Variants in SNX25 observed in about 807,000 individuals in gnomAD.
SNX25 encodes sorting nexin-25.
SNX25 carries 62 observed loss-of-function variants against 113.7 expected under a neutral mutation model. That is an observed-to-expected ratio of 0.55 (90% CI 0.44 to 0.67). SNX25 has a LOEUF of 0.67. Among genes scored for constraint, SNX25 ranks in the 30% least tolerant of loss-of-function variants. The pLI, the probability that SNX25 is intolerant of heterozygous loss-of-function variation, is 0.00. For missense variants in SNX25, 1,014 were observed against 1,161.0 expected (o/e 0.87, Z 1.84); for synonymous variants, 421 against 436.2 (o/e 0.97, Z 0.43).
downstream of SNX25, chr4:185,366,239 C>A (rs377109194): frequency 6.6e-6 from 1 of 152,150 alleles, no homozygotes; most frequent in South Asian, 2.1e-4. Flanking sequence ...ATACGGAAAG[C>A]CTTTTGCTAA....
In SNX25 at chr4:185,338,276, G is replaced by GTTT. The variant is rs550870942; in HGVS notation, c.1915-1102_1915-1101insTTT. 2.6e-4 allele frequency among the ~76,000 whole-genome samples: 37 copies of GTTT among 140,378 alleles called. 3 individuals carry two copies. Among genetic ancestry groups the GTTT allele is most frequent in the East Asian group, 6.0e-4 (3 of 4,984 alleles). The allele number at this position is 140,378 out of a possible 152,430, so 92.1% of individuals were successfully genotyped here. A position where few individuals can be genotyped will look rare whatever the true frequency, so the allele number is the denominator to read the frequency against. On this transcript the variant is annotated intron_variant, in intron 10 of 18. Coordinates refer to ENST00000652585, the MANE Select transcript of SNX25 (RefSeq NM_001378034.2). Reference sequence around the variant, plus strand: ...ATGAAACTTTCCCTCTATATTCTGTGTGTTTTTTTTTTTTTTTGAGACGGA... The same window carrying GTTT: ...ATGAAACTTTCCCTCTATATTCTGTGTTTTGTTTTTTTTTTTTTTTGAGACGGA...
intron 1 of SNX25, among the ~76,000 whole-genome samples, chr4:185,212,491 G>GTGTGTGTTTTTGTTTTTTT (rs546083196): frequency 3.8e-5 from 4 of 104,940 alleles, no homozygotes; most frequent in African/African-American, 3.7e-5. Context: ...GTGTGTGTGT[G>GTGTGTGTTTTTGTTTTTTT]TTTTTTTTTT....
chr4:185,241,162 C>T (rs1038851190), intron 1 of SNX25, among the ~76,000 whole-genome samples: 2 of 151,874 alleles, frequency 1.3e-5, no homozygotes, highest in African/African-American at 4.8e-5. Context: ...GCCGAGATCA[C>T]GCCACTGCAC....
At chr4:185,218,012 G>A (rs1016955351) in intron 1 of SNX25, among the ~76,000 whole-genome samples, 2 of 152,108 alleles carry the variant, frequency 1.3e-5, no homozygotes, top group Admixed American at 6.5e-5. Context: ...GCAGCCCTTC[G>A]CAGGGGCACT....
intron 6 of SNX25, among the ~76,000 whole-genome samples, chr4:185,298,357 C>T (rs1056829153): frequency 2.0e-5 from 3 of 151,914 alleles, no homozygotes; most frequent in Admixed American, 1.3e-4. Flanking sequence ...CCAAAGTGTT[C>T]GGATTACAGG....
intron 6 of SNX25, among the ~76,000 whole-genome samples, chr4:185,308,587 C>A (rs1288568): frequency 6.6e-6 from 1 of 151,982 alleles, no homozygotes; most frequent in Non-Finnish European, 1.5e-5. Context: ...GCAAAATGTA[C>A]CATTTGAGAG....
intron 3 of SNX25, among the ~76,000 whole-genome samples, 160 bp downstream of exon 3, chr4:185,259,224 AT>A (rs565329633): frequency 2.0e-3 from 299 of 146,052 alleles, no homozygotes; most frequent in Middle Eastern, 3.5e-3. Flanking sequence ...CTGGTAGAGT[AT>A]TTTTTTTTTT....
chr4:185,240,687 C>T lies in SNX25; in HGVS notation c.430-6607C>T, dbSNP rs537447333. Among the ~76,000 whole-genome samples, 595 of 150,610 alleles carry T rather than the reference C, an allele frequency of 4.0e-3. 2 individuals are homozygous for T. Among genetic ancestry groups the T allele is most frequent in the South Asian group, 0.013 (63 of 4,682 alleles). ...CCTCCCTTCCGGACGGGGCGGCTGC[C>T]GGGCGGGGGGCTGACCCCCACCTCC... On this transcript the variant is annotated intron_variant, in intron 1 of 18. Transcript: ENST00000652585.
intron 13 of SNX25, among the ~76,000 whole-genome samples, chr4:185,349,419 A>G (rs1005851974): frequency 3.3e-5 from 5 of 152,150 alleles, no homozygotes; most frequent in Non-Finnish European, 7.3e-5. Context: ...TTTCCTTTGG[A>G]TGTATATCCA....
chr4:185,337,000 G>A (rs1418044365), intron 10 of SNX25, among the ~76,000 whole-genome samples: 1 of 151,982 alleles, frequency 6.6e-6, no homozygotes, highest in Non-Finnish European at 1.5e-5. Context: ...CCCACTTTTT[G>A]ATGGGATTGT....
At chr4:185,251,597 GC>G (rs1745656343) in intron 2 of SNX25, among the ~76,000 whole-genome samples, 1 of 119,418 alleles carries the variant, frequency 8.4e-6, no homozygotes, top group Non-Finnish European at 1.7e-5. Context: ...ATATTCCATT[GC>G]GTGTGTGTGT....
chr4:185,208,736 AAAAAG>A (rs1382692960), upstream of SNX25, among the ~76,000 whole-genome samples: 4 of 149,560 alleles, frequency 2.7e-5, no homozygotes, highest in Non-Finnish European at 6.0e-5. Flanking sequence ...AAAAAAAGAA[AAAAAG>A]AAAGAAAGAA....
chr4:185,331,143 C>G (rs1379015167), intron 9 of SNX25, among the ~76,000 whole-genome samples: 3 of 152,084 alleles, frequency 2.0e-5, no homozygotes, highest in African/African-American at 7.2e-5. Context: ...TTCCAATAAT[C>G]TCTAGAAGTG....
At chr4:185,351,715 C>T (rs2095315765) in intron 14 of SNX25, 106 bp downstream of exon 14, 1 of 1,217,056 alleles carries the variant, frequency 8.2e-7, no homozygotes, top group African/African-American at 1.5e-5. Context: ...GTCATTAGCA[C>T]TGTCACATTT....
chr4:185,337,387 CA>C (rs1195924199), intron 10 of SNX25, among the ~76,000 whole-genome samples: 1 of 152,162 alleles, frequency 6.6e-6, no homozygotes, highest in African/African-American at 2.4e-5. Context: ...ATAATGTCTT[CA>C]GGGTTCATCC....
chr4:185,310,700 C>T lies in SNX25; in HGVS notation c.1228C>T (p.Gln410Ter). The T allele has an allele frequency of 2.5e-6, 4 of 1,614,026 alleles. No homozygotes were observed. Among genetic ancestry groups the T allele is most frequent in the Non-Finnish European group, 3.4e-6 (4 of 1,179,968 alleles). ...RARNMKRYIN[Q>*]LTVAKKQCEK... is the part of the protein sequence containing the mutation. Reference sequence around the variant, plus strand: ...CAGGAACATGAAGAGGTACATCAACCAACTGACTGTGGCAAAGAAGCAGTG... The same window carrying T: ...CAGGAACATGAAGAGGTACATCAACTAACTGACTGTGGCAAAGAAGCAGTG... The change falls in exon 7 of 19, where the codon CAA (glutamine) becomes TAA (stop). Residue 410 changes from glutamine to a stop codon, truncating the protein, a stop_gained. Transcript: ENST00000652585. LOFTEE classifies it high-confidence loss of function.
intron 6 of SNX25, among the ~76,000 whole-genome samples, chr4:185,288,534 T>G (rs942411312): frequency 2.6e-5 from 4 of 151,702 alleles, no homozygotes; most frequent in African/African-American, 9.7e-5. Context: ...TTATAAAATC[T>G]TTTTCCTTTA....
chr4:185,285,040 G>A (rs751464778), intron 5 of SNX25, among the ~76,000 whole-genome samples: 7 of 152,082 alleles, frequency 4.6e-5, no homozygotes, highest in Non-Finnish European at 8.8e-5. Context: ...TAGATACATA[G>A]GTACATAGAT....
downstream of SNX25, chr4:185,373,052 C>T: frequency 6.2e-7 from 1 of 1,610,172 alleles, no homozygotes; most frequent in Non-Finnish European, 8.5e-7. Flanking sequence ...TTCCCATTGC[C>T]ACATGCTTCG....
Sources: allele counts gnomAD v4.1 joint callset (sites outside exome capture counted in the v4.1 genomes callset), GRCh38; gene constraint gnomAD v4.1.1; transcripts MANE v1.5; gene names NCBI Gene and HGNC (gene_info 2026-07-23, HGNC 2026-07-21).